NFAT5: variants seen among roughly 807,000 people sequenced by gnomAD.
NFAT5 encodes the protein nuclear factor of activated T-cells 5.
A neutral mutation model predicts 166.5 loss-of-function variants in NFAT5; 31 were observed. The ratio of observed to expected loss-of-function variants is 0.19; its 90% CI spans 0.14 to 0.25. The LOEUF (loss-of-function observed/expected upper bound fraction) is 0.25, where lower values mean the gene tolerates loss of function less well. NFAT5 is among the 10% of genes least tolerant of loss of function. NFAT5 has a pLI of 1.00. For missense variants in NFAT5, 1,449 were observed against 1,821.8 expected, an observed-to-expected ratio of 0.80 and a Z score of 3.72; for synonymous variants, 612 against 639.7, an observed-to-expected ratio of 0.96 and a Z score of 0.65.
chr16:69,630,986 A>G (rs2034687720), intron 3 of NFAT5, among the ~76,000 whole-genome samples: 1 of 152,210 alleles, frequency 6.6e-6, no homozygotes. Flanking sequence ...TTAAGAAATC[A>G]AGTTACTTTC....
chr16:69,589,489 A>G (rs903988154), intron 2 of NFAT5, among the ~76,000 whole-genome samples: 4 of 152,154 alleles, frequency 2.6e-5, no homozygotes, highest in Admixed American at 1.3e-4. Flanking sequence ...TGACAATAAA[A>G]CCTCAACTCA....
chr16:69,617,674 T>A (rs1429385372), intron 2 of NFAT5, among the ~76,000 whole-genome samples: 3 of 151,800 alleles, frequency 2.0e-5, no homozygotes, highest in African/African-American at 7.3e-5. Flanking sequence ...TATTTTTTTG[T>A]AAAGACAGGG....
intron 9 of NFAT5, among the ~76,000 whole-genome samples, chr16:69,676,577 C>G (rs1446742680): frequency 6.6e-6 from 1 of 152,052 alleles, no homozygotes; most frequent in Non-Finnish European, 1.5e-5. Context: ...CTATTCTTTA[C>G]AAGTGAGACA....
chr16:69,651,502 G>A (rs927527777), intron 4 of NFAT5, among the ~76,000 whole-genome samples: 1 of 152,102 alleles, frequency 6.6e-6, no homozygotes, highest in Non-Finnish European at 1.5e-5. Flanking sequence ...AGCCTGCTTA[G>A]CTTCTCTGTG....
In NFAT5 at chr16:69,608,077, G is replaced by A. The variant is rs1019257541; in HGVS notation, c.128-18326G>A. Reference sequence around the variant, plus strand: ...TACTAGAAAAACTACTTTATTGGCCGGTCACGGTGGCTCACGCCTGTAATC... The same window carrying A: ...TACTAGAAAAACTACTTTATTGGCCAGTCACGGTGGCTCACGCCTGTAATC... On this transcript the variant is annotated intron_variant, in intron 2 of 14. Coordinates refer to ENST00000349945, the MANE Select transcript of NFAT5 (RefSeq NM_138713.4). Among the ~76,000 whole-genome samples, 21 of 152,122 alleles carry A rather than the reference G, an allele frequency of 1.4e-4. 1 individual carries two copies. Among genetic ancestry groups the A allele is most frequent in the Admixed American group, 1.2e-3 (19 of 15,282 alleles).
At chr16:69,605,504 T>TA (rs549208998) in intron 2 of NFAT5, among the ~76,000 whole-genome samples, 1 of 152,216 alleles carries the variant, frequency 6.6e-6, no homozygotes, top group South Asian at 2.1e-4. Flanking sequence ...CATAGCATCT[T>TA]ACAGGGAGCA....
intron 2 of NFAT5, among the ~76,000 whole-genome samples, chr16:69,571,129 TAAAAAAAA>T (rs56221116): frequency 0.026 from 807 of 31,356 alleles, 20 homozygotes; most frequent in African/African-American, 0.062. Flanking sequence ...CCATCTCTAC[TAAAAAAAA>T]AAAAAAAAAA....
chr16:69,610,416 G>A (rs943656990), intron 2 of NFAT5, among the ~76,000 whole-genome samples: 1 of 152,100 alleles, frequency 6.6e-6, no homozygotes, highest in Admixed American at 6.6e-5. Flanking sequence ...TTTTAGAATT[G>A]TTTGGGTAGA....
chr16:69,569,094 AAT>A (rs1453101565), intron 2 of NFAT5, among the ~76,000 whole-genome samples: 1 of 152,226 alleles, frequency 6.6e-6, no homozygotes, highest in Non-Finnish European at 1.5e-5. Flanking sequence ...TGGAAATGTT[AAT>A]AGAGTCTGTA....
chr16:69,566,357 A>G lies in NFAT5; in HGVS notation c.56A>G (p.Lys19Arg). 6.3e-7 allele frequency: 1 copy of G among 1,597,812 alleles called. No individual in the cohort carries two copies. Among genetic ancestry groups the G allele is most frequent in the East Asian group, 2.3e-5 (1 of 44,016 alleles). ...LSADLDLESP[K>R]SLYSRDSLKL... is the part of the protein sequence containing the mutation. The stretch of plus-strand genomic sequence containing the variant: ...GCGGACCTAGACCTGGAATCGCCCA[A>G]GTCCCTCTACTCGCGAGGTGAGTCA... Residue 19 changes from lysine to arginine, a missense_variant, in exon 1 of 15, where the codon AAG (lysine) becomes AGG (arginine). Transcript: ENST00000349945. This position sits in a 1 kb window ranked among gnomAD's most constrained non-coding sequence, Gnocchi z 5.7.
Position 69,663,465 on chromosome 16 carries a change from T to C in NFAT5, c.1369+3566T>C, listed in dbSNP as rs139156346. Reference sequence around the variant, plus strand: ...AATATTAATTTTCAGCTAGGTGCAGTGGCACGCACCTGTAGTCCCAGCTAC... The same window carrying C: ...AATATTAATTTTCAGCTAGGTGCAGCGGCACGCACCTGTAGTCCCAGCTAC... On this transcript the variant is annotated intron_variant, in intron 7 of 14. Coordinates refer to ENST00000349945, the MANE Select transcript of NFAT5 (RefSeq NM_138713.4). Among the ~76,000 whole-genome samples the C allele has an allele frequency of 7.4e-4, 111 of 150,052 alleles. 1 individual carries two copies. The East Asian group carries it at 0.021, about 29-fold the overall frequency.
At chr16:69,570,546 T>C (rs2016367715) in intron 2 of NFAT5, among the ~76,000 whole-genome samples, 1 of 142,694 alleles carries the variant, frequency 7.0e-6, no homozygotes, top group Non-Finnish European at 1.5e-5. Flanking sequence ...TTACAGTGAC[T>C]TTCTTATATT....
intron 2 of NFAT5, among the ~76,000 whole-genome samples, chr16:69,615,505 A>C (rs74026887): frequency 0.019 from 2,838 of 152,246 alleles, 90 homozygotes; most frequent in African/African-American, 0.065. Context: ...TGCTTCTCCT[A>C]GGACCTTTCA....
intron 7 of NFAT5, among the ~76,000 whole-genome samples, chr16:69,661,530 C>A (rs1375682100): frequency 4.5e-5 from 4 of 89,430 alleles, no homozygotes; most frequent in African/African-American, 1.5e-4. Context: ...TATAAGAGAC[C>A]CAGTCTCTTA....
rs188858212 is a variant in NFAT5 at position 69,629,113 on chromosome 16, T to C, written c.253+2585T>C. Reference sequence around the variant, plus strand: ...AAAAAATATGAAATGTGTAAAAATATTGACTCTTGATATAGTTAATTCTTC... The same window carrying C: ...AAAAAATATGAAATGTGTAAAAATACTGACTCTTGATATAGTTAATTCTTC... On this transcript the variant is annotated intron_variant, in intron 3 of 14. Transcript: ENST00000349945. Among the ~76,000 whole-genome samples, 339 of 152,218 alleles carry C rather than the reference T, an allele frequency of 2.2e-3. 2 individuals are homozygous for C. The highest frequency in any genetic ancestry group is 5.8e-3 in the South Asian group (28 of 4,824).
chr16:69,692,738 ATTG>A lies in NFAT5; in HGVS notation c.2916_2918del (p.Leu972del). On this transcript the variant is annotated inframe_deletion, in exon 13 of 15. Coordinates refer to ENST00000349945, the MANE Select transcript of NFAT5 (RefSeq NM_138713.4). ...ATGAGGATATGCAAATGCAGTGTGA[ATTG>A]TTTTCTTCTCCTCCTGCAGTTTCTG... 6.2e-7 allele frequency: 1 copy of A among 1,614,216 alleles called. No homozygotes were observed. Among genetic ancestry groups the A allele is most frequent in the Admixed American group, 1.7e-5 (1 of 60,026 alleles).
In NFAT5 at chr16:69,568,344, A is replaced by ATGTGTGTGTGTG. The variant is rs373838844; in HGVS notation, c.74-150_74-149insGTGTGTGTGTGT. 4.7e-3 allele frequency: 1,006 copies of ATGTGTGTGTGTG among 215,346 alleles called. 7 individuals are homozygous for ATGTGTGTGTGTG. Among genetic ancestry groups the ATGTGTGTGTGTG allele is most frequent in the African/African-American group, 0.015 (501 of 33,106 alleles). The allele number at this position is 215,346 out of a possible 1,614,324, so 13.3% of individuals were successfully genotyped here. ...TCAAAATGTATGTGTGTATATATATATATGTGTGTGTGTGTGTGTGTGTGT... is the reference window on the plus strand; with the variant it reads ...TCAAAATGTATGTGTGTATATATATATGTGTGTGTGTGTATGTGTGTGTGTGTGTGTGTGTGT... On this transcript the variant is annotated intron_variant, in intron 1 of 14. Coordinates refer to ENST00000349945, the MANE Select transcript of NFAT5 (RefSeq NM_138713.4).
intron 9 of NFAT5, among the ~76,000 whole-genome samples, chr16:69,671,229 G>A (rs1388784285): frequency 6.6e-6 from 1 of 152,112 alleles, no homozygotes; most frequent in African/African-American, 2.4e-5. Flanking sequence ...AGGTCCCCAG[G>A]CCACCCTCTT....
chr16:69,586,688 C>G (rs1336950910), intron 2 of NFAT5, among the ~76,000 whole-genome samples: 1 of 152,136 alleles, frequency 6.6e-6, no homozygotes, highest in East Asian at 1.9e-4. Flanking sequence ...CAGGCATGAG[C>G]CACCATGCCC....
Sources: gnomAD v4.1 joint callset for allele counts (sites outside exome capture counted in the v4.1 genomes callset) on GRCh38, gnomAD v4.1.1 for gene constraint, Gnocchi (gnomAD v3.1) non-coding constraint, MANE v1.5 for transcripts, NCBI Gene and HGNC (gene_info 2026-07-23, HGNC 2026-07-21) for gene names.